LRRTM4: variants seen among roughly 807,000 people sequenced by gnomAD.
The protein encoded by LRRTM4 is leucine rich repeat transmembrane neuronal 4, also known as leucine-rich repeat transmembrane neuronal protein 4.
LRRTM4 carries 25 observed loss-of-function variants against 47.6 expected under a neutral mutation model. That is an observed-to-expected ratio of 0.53 (90% CI 0.38 to 0.73). LRRTM4 has a LOEUF of 0.73. LRRTM4 is among the 30% of genes least tolerant of loss of function. LRRTM4 has a pLI of 0.00. For missense variants in LRRTM4, 638 were observed against 713.4 expected (o/e 0.89, Z 1.20); for synonymous variants, 311 against 269.5 (o/e 1.15, Z -1.51).
intron 3 of LRRTM4, among the ~76,000 whole-genome samples, chr2:76,813,016 T>A (rs1481859112): frequency 2.4e-4 from 37 of 151,836 alleles, no homozygotes; most frequent in Non-Finnish European, 4.1e-4. Flanking sequence ...ATACAAAAAA[T>A]TAGCTGGCAT....
chr2:77,498,659 T>A (rs1678454330), intron 3 of LRRTM4, among the ~76,000 whole-genome samples: 1 of 151,816 alleles, frequency 6.6e-6, no homozygotes, highest in African/African-American at 2.4e-5. Flanking sequence ...GATAGTGTAT[T>A]TTCTCTAGCA....
intron 3 of LRRTM4, among the ~76,000 whole-genome samples, chr2:77,175,004 G>A (rs951182847): frequency 2.6e-5 from 4 of 152,014 alleles, no homozygotes; most frequent in South Asian, 4.2e-4. Flanking sequence ...ATGTGAGGGA[G>A]GTTTTAAGCC....
chr2:77,518,358 C>G lies in LRRTM4; in HGVS notation c.1511G>C (p.Gly504Ala). ...ETMDISVNGS[G>A]PCTYTISGSR... is the part of the protein sequence containing the mutation. ...GCCAGAGATGGTATATGTGCAGGGC[C>G]CAGATCCATTAACCGATATATCCAT... The change falls in exon 3 of 4, where the codon GGG becomes GCG. Residue 504 changes from glycine to alanine, a missense_variant. Coordinates refer to ENST00000409884, the MANE Select transcript of LRRTM4 (RefSeq NM_001134745.3). 1 of 1,612,418 alleles carries G rather than the reference C, an allele frequency of 6.2e-7. No homozygotes were observed. Among genetic ancestry groups the G allele is most frequent in the Non-Finnish European group, 8.5e-7 (1 of 1,179,234 alleles).
chr2:77,019,622 C>T (rs142611480), intron 3 of LRRTM4, among the ~76,000 whole-genome samples: 2 of 152,084 alleles, frequency 1.3e-5, no homozygotes, highest in Admixed American at 1.3e-4. Context: ...ATTAACACTG[C>T]TAACCAAGTG....
At position 77,258,596 on chromosome 2, in the gene LRRTM4, GA is replaced by G. The variant is rs556604383; in HGVS notation, c.1551+259721del. ...TAATTATTTCAAAATTAAAAATTAGGAAAAAAAAACAAAATAATTCAATAAA... is the reference window on the plus strand; with the variant it reads ...TAATTATTTCAAAATTAAAAATTAGGAAAAAAAACAAAATAATTCAATAAA... On this transcript the variant is annotated intron_variant, in intron 3 of 3. Coordinates refer to ENST00000409884, the MANE Select transcript of LRRTM4 (RefSeq NM_001134745.3). 4.5e-3 allele frequency among the ~76,000 whole-genome samples: 666 copies of G among 147,614 alleles called. 5 individuals are homozygous for G. Among genetic ancestry groups the G allele is most frequent in the African/African-American group, 0.015 (615 of 40,324 alleles).
chr2:76,980,766 A>G (rs1676578968), intron 3 of LRRTM4, among the ~76,000 whole-genome samples: 2 of 152,086 alleles, frequency 1.3e-5, no homozygotes, highest in Non-Finnish European at 2.9e-5. Context: ...TGAAACTTAG[A>G]TGTCAAGAAA....
rs149322847 is a variant in LRRTM4 at position 76,808,537 on chromosome 2, G to A, written c.1552-59621C>T. ...AAAGAAACACAATCACAATTTTGGG[G>A]GTTGTCTTTTATTTATTGATGCAAA... On this transcript the variant is annotated intron_variant, in intron 3 of 3. Transcript: ENST00000409884. Among the ~76,000 whole-genome samples the A allele has an allele frequency of 2.6e-3, 390 of 151,854 alleles. 8 individuals carry two copies. The highest frequency in any genetic ancestry group is 3.5e-3 in the Middle Eastern group (1 of 286).
At chr2:76,792,122 T>C (rs1675006612) in intron 3 of LRRTM4, among the ~76,000 whole-genome samples, 1 of 149,370 alleles carries the variant, frequency 6.7e-6, no homozygotes, top group African/African-American at 2.4e-5. Context: ...AATAGAGTTT[T>C]TCTAGTCCTA....
At chr2:77,506,891 C>T (rs1345450417) in intron 3 of LRRTM4, among the ~76,000 whole-genome samples, 1 of 151,888 alleles carries the variant, frequency 6.6e-6, no homozygotes, top group Non-Finnish European at 1.5e-5. Context: ...CATTCCTATT[C>T]ATAATAAAAT....
chr2:77,100,517 T>C (rs542395163), intron 3 of LRRTM4, among the ~76,000 whole-genome samples: 3 of 152,240 alleles, frequency 2.0e-5, no homozygotes, highest in South Asian at 2.1e-4. Flanking sequence ...ATCAGCCAAA[T>C]TGAGAATGTG....
chr2:77,285,557 C>T (rs569139740), intron 3 of LRRTM4, among the ~76,000 whole-genome samples: 15 of 151,512 alleles, frequency 9.9e-5, no homozygotes, highest in Non-Finnish European at 5.9e-5. Context: ...GTTTGGCCAA[C>T]GTGGTGAAAC....
chr2:76,968,093 A>G (rs1035747746), intron 3 of LRRTM4, among the ~76,000 whole-genome samples: 2 of 151,296 alleles, frequency 1.3e-5, no homozygotes, highest in Admixed American at 6.6e-5. Flanking sequence ...ATTATATCGC[A>G]CAGATCTATC....
intron 3 of LRRTM4, among the ~76,000 whole-genome samples, chr2:77,160,328 A>G (rs1420536392): frequency 6.6e-6 from 1 of 152,068 alleles, no homozygotes; most frequent in Admixed American, 6.6e-5. Context: ...TCTCTTCCAG[A>G]GCATTGACAA....
At chr2:76,962,445 C>T (rs1021419776) in intron 3 of LRRTM4, among the ~76,000 whole-genome samples, 18 of 150,538 alleles carry the variant, frequency 1.2e-4, no homozygotes, top group Non-Finnish European at 2.2e-4. Flanking sequence ...GATAAACGAA[C>T]CAGAGATGGA....
intron 3 of LRRTM4, among the ~76,000 whole-genome samples, chr2:77,388,583 T>C (rs1205884015): frequency 6.6e-6 from 1 of 152,150 alleles, no homozygotes; most frequent in Non-Finnish European, 1.5e-5. Flanking sequence ...GTTTATGAAG[T>C]ATTTATTTTG....
chr2:77,443,712 A>T (rs1218526315), intron 3 of LRRTM4, among the ~76,000 whole-genome samples: 1 of 152,154 alleles, frequency 6.6e-6, no homozygotes, highest in Non-Finnish European at 1.5e-5. Context: ...TGATATAAAC[A>T]TTGTTCAGAA....
intron 3 of LRRTM4, among the ~76,000 whole-genome samples, chr2:76,982,150 C>G (rs1676633622): frequency 1.3e-5 from 2 of 152,078 alleles, no homozygotes; most frequent in African/African-American, 2.4e-5. Flanking sequence ...CATATTTCCT[C>G]TGCTTCTCTA....
chr2:77,021,200 A>ATG (rs1005987397), intron 3 of LRRTM4, among the ~76,000 whole-genome samples: 28 of 149,764 alleles, frequency 1.9e-4, no homozygotes, highest in African/African-American at 7.2e-4. Flanking sequence ...TGATATATAT[A>ATG]TATCAGTGAT....
At chr2:77,466,585 T>G (rs1676990298) in intron 3 of LRRTM4, among the ~76,000 whole-genome samples, 1 of 152,152 alleles carries the variant, frequency 6.6e-6, no homozygotes, top group Non-Finnish European at 1.5e-5. Context: ...TGTGAAAAAT[T>G]GACAAATTCA....
Sources: gnomAD v4.1 joint callset for allele counts (sites outside exome capture counted in the v4.1 genomes callset) on GRCh38, gnomAD v4.1.1 for gene constraint, MANE v1.5 for transcripts, NCBI Gene and HGNC (gene_info 2026-07-23, HGNC 2026-07-21) for gene names.